Variants in LTBP1 observed in about 807,000 individuals in gnomAD.
The protein encoded by LTBP1 is latent transforming growth factor beta binding protein 1.
In LTBP1, 129 loss-of-function variants were observed where a neutral mutation model predicts 207.6. The observed-to-expected ratio is 0.62, with a 90% CI of 0.54 to 0.72. The LOEUF (loss-of-function observed/expected upper bound fraction) is 0.72, where lower values mean the gene tolerates loss of function less well. Among genes scored for constraint, LTBP1 ranks in the 30% least tolerant of loss-of-function variants. The probability of loss-of-function intolerance (pLI) is 0.00; values close to 1 mark genes in which losing one functional copy is unlikely to be tolerated. For missense variants in LTBP1, 2,281 were observed against 2,217.2 expected, an observed-to-expected ratio of 1.03 and a Z score of -0.58; for synonymous variants, 963 against 833.7, an observed-to-expected ratio of 1.16 and a Z score of -2.67.
At chr2:33,020,832 A>T in intron 2 of LTBP1, 77 bp from the exon 3 acceptor site, 1 of 1,360,514 alleles carries the variant, frequency 7.4e-7, no homozygotes, top group Non-Finnish European at 1.0e-6. Flanking sequence ...ACCTGATGCT[A>T]CTGTTAACCC....
At chr2:32,988,368 G>A (rs1279522092) in intron 2 of LTBP1, among the ~76,000 whole-genome samples, 1 of 152,132 alleles carries the variant, frequency 6.6e-6, no homozygotes, top group African/African-American at 2.4e-5. Context: ...AAACTCTGGG[G>A]AGTCAGGTGA....
chr2:33,219,885 C>T (rs1371023086), intron 8 of LTBP1, among the ~76,000 whole-genome samples: 1 of 151,928 alleles, frequency 6.6e-6, no homozygotes, highest in Non-Finnish European at 1.5e-5. Context: ...CTAACTTCCA[C>T]TCTTGACCTT....
chr2:32,947,498 C>G lies in LTBP1; in HGVS notation c.174C>G (p.Leu58=). The change falls in exon 1 of 34, where the codon CTC becomes CTG. Residue 58 remains leucine (L), a synonymous_variant. Coordinates refer to ENST00000404816, the MANE Select transcript of LTBP1 (RefSeq NM_206943.4). ...PPRSRTFNVA[L]NARYSRSSAA... is the part of the protein sequence containing the mutation. ...GTTCGCGGACATTCAACGTCGCGCT[C>G]AACGCCAGGTACAGCCGCAGCTCGG... 1 of 1,439,838 alleles carries G rather than the reference C, an allele frequency of 6.9e-7. No individual in the cohort carries two copies. The highest frequency in any genetic ancestry group is 9.1e-7 in the Non-Finnish European group (1 of 1,099,914). 89.2% of individuals were successfully genotyped at this position (1,439,838 alleles called of 1,614,324 possible). A position where few individuals can be genotyped will look rare whatever the true frequency, so the allele number is the denominator to read the frequency against.
At chr2:33,094,846 G>GA (rs933307278) in intron 3 of LTBP1, among the ~76,000 whole-genome samples, 6 of 151,698 alleles carry the variant, frequency 4.0e-5, no homozygotes, top group Admixed American at 2.0e-4. Context: ...TCTTCCAAAT[G>GA]AAAAAAAAGT....
chr2:33,228,101 G>A (rs2149505771), intron 9 of LTBP1, among the ~76,000 whole-genome samples: 1 of 152,000 alleles, frequency 6.6e-6, no homozygotes, highest in East Asian at 1.9e-4. Flanking sequence ...CACCACGCCC[G>A]GCCAAGAAGC....
At chr2:33,106,776 A>T (rs946242122) in intron 3 of LTBP1, among the ~76,000 whole-genome samples, 17 of 152,222 alleles carry the variant, frequency 1.1e-4, no homozygotes, top group Admixed American at 9.2e-4. Flanking sequence ...TTGGAATGGT[A>T]AATGAGCATT....
intron 3 of LTBP1, among the ~76,000 whole-genome samples, chr2:33,058,406 A>G (rs901287459): frequency 6.6e-6 from 1 of 152,198 alleles, no homozygotes; most frequent in Admixed American, 6.5e-5. Context: ...CCAATGTTTA[A>G]GTGATTTGCC....
At position 33,134,460 on chromosome 2, in the gene LTBP1, C is replaced by T; in HGVS notation, c.1034-333C>T. The T allele has an allele frequency of 1.0e-6, 1 of 976,108 alleles. No individual in the cohort carries two copies. Among genetic ancestry groups the T allele is most frequent in the Non-Finnish European group, 1.5e-6 (1 of 665,868 alleles). 60.5% of individuals were successfully genotyped at this position (976,108 alleles called of 1,614,324 possible). On this transcript the variant is annotated intron_variant, in intron 4 of 33. Transcript: ENST00000404816. The surrounding 1 kb of genome is among the most constrained non-coding windows in gnomAD (Gnocchi z 4.4). ...GGTTGGCTCTTTAATCTGTCGTGCC[C>T]TCGGTATTGCTCTTTGTCTGCCCGT... is the stretch of plus-strand genomic sequence containing the variant.
intron 31 of LTBP1, among the ~76,000 whole-genome samples, chr2:33,381,201 C>T (rs2095210884): frequency 6.6e-6 from 1 of 152,130 alleles, no homozygotes; most frequent in Non-Finnish European, 1.5e-5. Flanking sequence ...GATACATTGG[C>T]AATCATTATT....
intron 3 of LTBP1, among the ~76,000 whole-genome samples, chr2:33,072,730 G>C (rs1360622200): frequency 2.0e-5 from 3 of 152,164 alleles, no homozygotes; most frequent in Admixed American, 1.3e-4. Flanking sequence ...TTGAAAACCG[G>C]TATATTAATA....
chr2:33,120,402 T>C (rs1052895699), intron 4 of LTBP1, among the ~76,000 whole-genome samples: 37 of 152,206 alleles, frequency 2.4e-4, no homozygotes, highest in Non-Finnish European at 3.2e-4. Flanking sequence ...TAAGTTCTTA[T>C]CATTTAGCTC....
At chr2:33,187,227 G>T in intron 6 of LTBP1, 147 bp downstream of exon 6, 1 of 647,612 alleles carries the variant, frequency 1.5e-6, no homozygotes. Context: ...AGTAGAGACA[G>T]AATGTGGGCC....
At chr2:33,182,763 C>A (rs1349044539) in intron 5 of LTBP1, among the ~76,000 whole-genome samples, 2 of 144,978 alleles carry the variant, frequency 1.4e-5, no homozygotes, top group Non-Finnish European at 3.0e-5. Context: ...TATGTGTACA[C>A]ATACACACAC....
intron 15 of LTBP1, among the ~76,000 whole-genome samples, chr2:33,269,527 T>C (rs1349110104): frequency 6.6e-6 from 1 of 152,172 alleles, no homozygotes; most frequent in African/African-American, 2.4e-5. Flanking sequence ...AAGCCAAGCA[T>C]GCTAAAAAGA....
intron 2 of LTBP1, among the ~76,000 whole-genome samples, chr2:32,964,849 G>C (rs1679697188): frequency 6.6e-6 from 1 of 151,966 alleles, no homozygotes; most frequent in South Asian, 2.1e-4. Context: ...GAGATCATCT[G>C]GCCAACATGG....
chr2:33,283,030 T>G (rs1236992402), intron 19 of LTBP1, among the ~76,000 whole-genome samples: 1 of 123,930 alleles, frequency 8.1e-6, no homozygotes, highest in Non-Finnish European at 1.5e-5. Flanking sequence ...GCCACTGCAC[T>G]CCAGCCTGGC....
chr2:33,199,303 A>T (rs1325801155), intron 7 of LTBP1, among the ~76,000 whole-genome samples: 2 of 152,132 alleles, frequency 1.3e-5, no homozygotes, highest in African/African-American at 4.8e-5. Context: ...TTTGCCAAGG[A>T]GAGCTTTACT....
chr2:33,353,156 T>C (rs1022429622), intron 26 of LTBP1, among the ~76,000 whole-genome samples: 3 of 152,036 alleles, frequency 2.0e-5, no homozygotes, highest in African/African-American at 4.8e-5. Context: ...TTTTTGTATT[T>C]TTAGTAGAGA....
rs764457333 is a variant in LTBP1 at position 33,252,857 on chromosome 2, C to T, written c.2167+13C>T. 1.0e-5 allele frequency: 16 copies of T among 1,584,298 alleles called. No homozygotes were observed. Among genetic ancestry groups the T allele is most frequent in the Admixed American group, 6.9e-5 (4 of 58,290 alleles). ...CTTCCAGGCACAGGTAAGACATGCC[C>T]AGCTGTATGCGCACATAGATTCCCA... On this transcript the variant is annotated intron_variant, in intron 11 of 33. Coordinates refer to ENST00000404816, the MANE Select transcript of LTBP1 (RefSeq NM_206943.4).
Sources: allele counts gnomAD v4.1 joint callset (sites outside exome capture counted in the v4.1 genomes callset), GRCh38; gene constraint gnomAD v4.1.1; non-coding constraint Gnocchi (gnomAD v3.1); transcripts MANE v1.5; gene names NCBI Gene and HGNC (gene_info 2026-07-23, HGNC 2026-07-21).